Variants in CSMD1 observed in about 807,000 individuals in gnomAD.
CSMD1 encodes CUB and sushi domain-containing protein 1.
Under a neutral mutation model 417.5 loss-of-function variants are expected in CSMD1, and 213 were observed. The ratio of observed to expected loss-of-function variants is 0.51; its 90% confidence interval spans 0.46 to 0.57. The LOEUF (loss-of-function observed/expected upper bound fraction) is 0.57. Ranked by LOEUF, CSMD1 falls within the 20% of genes least tolerant of loss-of-function variation. The pLI, the probability that CSMD1 is intolerant of heterozygous loss-of-function variation, is 0.00. For missense variants in CSMD1, 6,923 were observed against 4,529.7 expected (o/e 1.53, Z -15.17); for synonymous variants, 2,862 against 1,736.8 (o/e 1.65, Z -16.11).
intron 2 of CSMD1, among the ~76,000 whole-genome samples, chr8:4,521,221 A>G (rs1160553477): frequency 6.6e-6 from 1 of 152,202 alleles, no homozygotes; most frequent in African/African-American, 2.4e-5. Context: ...CTAAAATGTA[A>G]CAAAAAAGAA....
intron 3 of CSMD1, among the ~76,000 whole-genome samples, chr8:4,183,691 G>A (rs923318123): frequency 3.3e-5 from 5 of 152,166 alleles, no homozygotes; most frequent in Non-Finnish European, 7.4e-5. Context: ...TGTGAGCAGA[G>A]AAATTTAAAA....
At chr8:3,161,641 A>C (rs1042382981) in intron 38 of CSMD1, among the ~76,000 whole-genome samples, 22 of 151,938 alleles carry the variant, frequency 1.4e-4, no homozygotes, top group African/African-American at 4.6e-4. Flanking sequence ...AAAAAAAAAA[A>C]AAAACCCTCT....
intron 1 of CSMD1, among the ~76,000 whole-genome samples, chr8:4,993,177 G>A (rs891403303): frequency 1.3e-5 from 2 of 152,106 alleles, no homozygotes; most frequent in Non-Finnish European, 2.9e-5. Flanking sequence ...GAAATATTAT[G>A]TAGGGAAAAA....
intron 12 of CSMD1, among the ~76,000 whole-genome samples, chr8:3,413,510 G>C (rs191343261): frequency 1.3e-5 from 2 of 152,262 alleles, no homozygotes; most frequent in East Asian, 3.9e-4. Flanking sequence ...TGTCAAAGTA[G>C]CACGGTCCAA....
intron 2 of CSMD1, among the ~76,000 whole-genome samples, chr8:4,602,523 T>A (rs972259656): frequency 6.6e-6 from 1 of 152,126 alleles, no homozygotes; most frequent in Non-Finnish European, 1.5e-5. Flanking sequence ...ACCGTAAATA[T>A]ATTAGGAACA....
intron 3 of CSMD1, among the ~76,000 whole-genome samples, chr8:4,341,093 T>G (rs146031042): frequency 1.3e-3 from 195 of 152,216 alleles, no homozygotes; most frequent in African/African-American, 4.4e-3. Flanking sequence ...AGTGAGAGAA[T>G]AGAGATATCT....
At position 3,694,855 on chromosome 8, in the gene CSMD1, G is replaced by C. The variant is rs185700875; in HGVS notation, c.1009+13559C>G. Among the ~76,000 whole-genome samples the C allele has an allele frequency of 3.0e-4, 45 of 152,132 alleles. No individual in the cohort carries two copies. The East Asian group carries it at 8.8e-3, about 30-fold the overall frequency. On this transcript the variant is annotated intron_variant, in intron 7 of 69. Transcript: ENST00000635120. The stretch of plus-strand genomic sequence containing the variant: ...TGAGCCAGGACATGAAGCAATACCG[G>C]ATCCTAAAGACCATAGAAACCTGCT...
chr8:4,546,447 A>T (rs1358918067), intron 2 of CSMD1, among the ~76,000 whole-genome samples: 1 of 152,170 alleles, frequency 6.6e-6, no homozygotes, highest in East Asian at 1.9e-4. Context: ...AACCACCCTT[A>T]CCATTCCACG....
chr8:4,583,894 G>T (rs1008671387), intron 2 of CSMD1, among the ~76,000 whole-genome samples: 1 of 152,060 alleles, frequency 6.6e-6, no homozygotes, highest in East Asian at 1.9e-4. Flanking sequence ...TCTTGCTGCT[G>T]CTCACTCTTT....
At chr8:4,037,116 T>G (rs903726017) in intron 3 of CSMD1, among the ~76,000 whole-genome samples, 1 of 152,248 alleles carries the variant, frequency 6.6e-6, no homozygotes. Context: ...TTATTTTACT[T>G]GTTTTTATTA....
chr8:3,714,329 A>G (rs1265902721), intron 6 of CSMD1, among the ~76,000 whole-genome samples: 1 of 151,072 alleles, frequency 6.6e-6, no homozygotes, highest in Non-Finnish European at 1.5e-5. Context: ...TCCATAAGCT[A>G]CTAATCTTTT....
chr8:4,466,926 G>A (rs775027458), intron 2 of CSMD1, among the ~76,000 whole-genome samples: 12 of 151,800 alleles, frequency 7.9e-5, no homozygotes, highest in Non-Finnish European at 1.2e-4. Flanking sequence ...TTACAGCATT[G>A]AAATTAGAAT....
chr8:3,875,753 G>C (rs1305985241), intron 5 of CSMD1, among the ~76,000 whole-genome samples: 1 of 152,170 alleles, frequency 6.6e-6, no homozygotes, highest in Middle Eastern at 3.2e-3. Flanking sequence ...AAGAAATGGA[G>C]ACAGCCAGTG....
Position 4,223,266 on chromosome 8 carries a change from C to G in CSMD1, c.416-191167G>C, listed in dbSNP as rs891988701. On this transcript the variant is annotated intron_variant, in intron 3 of 69. Transcript: ENST00000635120. ...TTATCTTTTTCTATCAACTGACATT[C>G]TGAGCATCCAGACTTTTTGCCTCGA... Among the ~76,000 whole-genome samples, 8 of 152,190 alleles carry G rather than the reference C, an allele frequency of 5.3e-5. 1 individual carries two copies. Among genetic ancestry groups the G allele is most frequent in the Admixed American group, 3.9e-4 (6 of 15,284 alleles).
chr8:3,709,956 C>G (rs1801414352), intron 6 of CSMD1, among the ~76,000 whole-genome samples: 1 of 151,432 alleles, frequency 6.6e-6, no homozygotes, highest in Admixed American at 6.6e-5. Flanking sequence ...CTGACCAACC[C>G]CCAACCCCCA....
At chr8:4,503,226 G>T (rs890804710) in intron 2 of CSMD1, among the ~76,000 whole-genome samples, 1 of 152,062 alleles carries the variant, frequency 6.6e-6, no homozygotes, top group Non-Finnish European at 1.5e-5. Flanking sequence ...AGTCTACAGC[G>T]TCATAGTGTC....
intron 3 of CSMD1, among the ~76,000 whole-genome samples, chr8:4,097,955 G>C (rs915653153): frequency 6.6e-6 from 1 of 152,128 alleles, no homozygotes; most frequent in Admixed American, 6.6e-5. Flanking sequence ...TTTGATCATG[G>C]TATGTTCTTA....
intron 3 of CSMD1, among the ~76,000 whole-genome samples, chr8:4,176,986 C>T (rs1230827566): frequency 1.3e-5 from 2 of 151,864 alleles, no homozygotes; most frequent in Non-Finnish European, 2.9e-5. Context: ...AAATGGGAGA[C>T]TTTAACACCC....
At chr8:4,777,274 A>C (rs1796902082) in intron 1 of CSMD1, among the ~76,000 whole-genome samples, 1 of 152,232 alleles carries the variant, frequency 6.6e-6, no homozygotes, top group African/African-American at 2.4e-5. Context: ...TGCGAGAAAC[A>C]ATTAAGTCTA....
Sources: allele counts gnomAD v4.1 joint callset (sites outside exome capture counted in the v4.1 genomes callset), GRCh38; gene constraint gnomAD v4.1.1; transcripts MANE v1.5; gene names NCBI Gene and HGNC (gene_info 2026-07-23, HGNC 2026-07-21).